BPIFC: variants seen among roughly 807,000 people sequenced by gnomAD.
The protein encoded by BPIFC is BPI fold containing family C, also known as BPI fold-containing family C protein.
A neutral mutation model predicts 57.6 loss-of-function variants in BPIFC; 60 were observed. That is an observed-to-expected ratio of 1.04 (90% CI 0.85 to 1.29). The LOEUF is 1.29. BPIFC is among the 50% of genes most tolerant of loss of function. The probability of loss-of-function intolerance (pLI) is 0.00; values close to 1 mark genes in which losing one functional copy is unlikely to be tolerated. For missense variants in BPIFC, 581 were observed against 600.5 expected (o/e 0.97, Z 0.34); for synonymous variants, 243 against 224.5 (o/e 1.08, Z -0.74).
intron 2 of BPIFC, 74 bp from the exon 3 acceptor site, chr22:32,457,460 T>C (rs1568961537): frequency 6.5e-6 from 10 of 1,536,750 alleles, no homozygotes; most frequent in Non-Finnish European, 8.8e-6. Context: ...CCAACATTTC[T>C]AGATTTTCTC....
At chr22:32,457,563 A>G (rs530197576) in intron 2 of BPIFC, among the ~76,000 whole-genome samples, 177 bp from the exon 3 acceptor site, 11 of 74,150 alleles carry the variant, frequency 1.5e-4, no homozygotes, top group South Asian at 9.1e-4. Context: ...CCATCCGTCC[A>G]TCCATCCATC....
intron 8 of BPIFC, among the ~76,000 whole-genome samples, chr22:32,440,193 C>T (rs9621447): frequency 0.025 from 3,820 of 152,218 alleles, 146 homozygotes; most frequent in African/African-American, 0.081. Flanking sequence ...TCTTGGCTCA[C>T]TGCATGATCT....
At chr22:32,435,660 C>T in intron 10 of BPIFC, 44 bp downstream of exon 10, 2 of 1,568,368 alleles carry the variant, frequency 1.3e-6, no homozygotes, top group South Asian at 1.2e-5. Flanking sequence ...TATAAAAAGG[C>T]TGAATGATGG....
intron 13 of BPIFC, 97 bp from the exon 14 acceptor site, chr22:32,419,501 T>A: frequency 8.0e-7 from 1 of 1,244,050 alleles, no homozygotes; most frequent in Admixed American, 2.0e-5. Context: ...CAAAAGTCAC[T>A]ATTTAAAAAA....
intron 3 of BPIFC, 91 bp downstream of exon 3, chr22:32,457,172 A>G: frequency 7.0e-7 from 1 of 1,436,228 alleles, no homozygotes; most frequent in Non-Finnish European, 9.3e-7. Context: ...TTTCTCAGTC[A>G]GGAGACAGCC....
intron 16 of BPIFC, among the ~76,000 whole-genome samples, chr22:32,415,363 C>T (rs1025303553): frequency 2.6e-5 from 4 of 152,094 alleles, no homozygotes; most frequent in African/African-American, 9.7e-5. Flanking sequence ...AAACATATTT[C>T]CACCTCCCCA....
At chr22:32,444,557 G>T (rs1343652122) in intron 7 of BPIFC, among the ~76,000 whole-genome samples, 1 of 152,106 alleles carries the variant, frequency 6.6e-6, no homozygotes, top group Non-Finnish European at 1.5e-5. Context: ...GTTCAGGGAA[G>T]GTGTGGTCAT....
chr22:32,414,383 A>G lies in BPIFC; in HGVS notation c.1444T>C (p.Ser482Pro). ...ACGTGGAAACTTGGCTGCTGCTTTG[A>G]GGATGTTTCATACTTCAGGTCGGTG... ...ISTDLKYETS[S>P]KQQPSFHVWE... Residue 482 changes from serine (S) to proline (P), a missense_variant, in exon 17 of 17, where the codon TCA becomes CCA. Transcript: ENST00000300399. 6.2e-7 allele frequency: 1 copy of G among 1,614,062 alleles called. No individual in the cohort carries two copies. The highest frequency in any genetic ancestry group is 1.1e-5 in the South Asian group (1 of 91,072).
chr22:32,440,722 C>G (rs5754086), intron 8 of BPIFC, among the ~76,000 whole-genome samples: 67,460 of 151,982 alleles, frequency 0.44, 17,339 homozygotes, highest in Middle Eastern at 0.63. Flanking sequence ...CACTCTTCTC[C>G]TGACCTACAT....
chr22:32,426,997 C>A (rs1056927695), intron 13 of BPIFC, among the ~76,000 whole-genome samples: 1 of 152,176 alleles, frequency 6.6e-6, no homozygotes, highest in African/African-American at 2.4e-5. Context: ...GCCAGCCCTG[C>A]TCAGACCCAG....
chr22:32,416,886 G>A (rs1264261396), intron 15 of BPIFC, among the ~76,000 whole-genome samples, 199 bp downstream of exon 15: 1 of 152,206 alleles, frequency 6.6e-6, no homozygotes, highest in Non-Finnish European at 1.5e-5. Context: ...AACAGGGCTT[G>A]GACCTAGAAT....
chr22:32,437,303 C>T (rs1934434204), intron 9 of BPIFC, among the ~76,000 whole-genome samples: 1 of 152,166 alleles, frequency 6.6e-6, no homozygotes, highest in Admixed American at 6.5e-5. Flanking sequence ...GAGGCAGTTG[C>T]TTGAAAGAAA....
intron 13 of BPIFC, among the ~76,000 whole-genome samples, chr22:32,423,619 G>A (rs1323535373): frequency 1.4e-5 from 2 of 140,780 alleles, no homozygotes; most frequent in African/African-American, 5.8e-5. Flanking sequence ...GTGGATGTGT[G>A]TTGATGGTGG....
At chr22:32,416,421 G>T (rs541289876) in intron 15 of BPIFC, among the ~76,000 whole-genome samples, 1 of 151,890 alleles carries the variant, frequency 6.6e-6, no homozygotes, top group Admixed American at 6.6e-5. Context: ...CATTCTCCCC[G>T]GTTCCATGTT....
Position 32,445,886 on chromosome 22 carries a change from T to G in BPIFC, c.485A>C (p.Tyr162Ser). The change falls in exon 6 of 17, where the codon TAC (tyrosine) becomes TCC (serine). Residue 162 changes from tyrosine to serine, a missense_variant. Transcript: ENST00000300399. ...GACGTGGGCATGGCTCAGTTGGGCGTAGCAATCTTGGAGCTTCAGGGTAGG... is the reference window on the plus strand; with the variant it reads ...GACGTGGGCATGGCTCAGTTGGGCGGAGCAATCTTGGAGCTTCAGGGTAGG... ...GHPTLKLQDC[Y>S]AQLSHAHVSF... 6.2e-7 allele frequency: 1 copy of G among 1,614,094 alleles called. No homozygotes were observed. The highest frequency in any genetic ancestry group is 8.5e-7 in the Non-Finnish European group (1 of 1,180,024).
Position 32,417,167 on chromosome 22 carries a change from T to C in BPIFC, c.1261-19A>G, listed in dbSNP as rs374354376. 4.7e-6 allele frequency: 7 copies of C among 1,505,280 alleles called. No individual in the cohort carries two copies. Among genetic ancestry groups the C allele is most frequent in the African/African-American group, 4.2e-5 (3 of 71,098 alleles). 93.2% of individuals were successfully genotyped at this position (1,505,280 alleles called of 1,614,324 possible). A position where few individuals can be genotyped will look rare whatever the true frequency, so the allele number is the denominator to read the frequency against. ...TCAAGACCTAAAATAAAAGAGGAAA[T>C]AGAATCAATTGGCAGATCGGGCTTT... On this transcript the variant is annotated intron_variant, in intron 14 of 16. Coordinates refer to ENST00000300399, the MANE Select transcript of BPIFC (RefSeq NM_174932.3).
chr22:32,428,965 A>G (rs1306702145), intron 13 of BPIFC, among the ~76,000 whole-genome samples: 1 of 152,152 alleles, frequency 6.6e-6, no homozygotes, highest in Non-Finnish European at 1.5e-5. Context: ...ATTTTAATGA[A>G]AAAAGAACCC....
intron 10 of BPIFC, among the ~76,000 whole-genome samples, chr22:32,434,081 G>GTT (rs1491414030): frequency 8.4e-4 from 51 of 60,850 alleles, no homozygotes; most frequent in Admixed American, 6.2e-3. Flanking sequence ...CAAAGTTTTA[G>GTT]TTATATATAT....
intron 4 of BPIFC, 143 bp downstream of exon 4, chr22:32,453,240 G>A: frequency 1.8e-6 from 1 of 565,416 alleles, no homozygotes; most frequent in Non-Finnish European, 2.8e-6. Flanking sequence ...GCAAACTTGA[G>A]AATAGAAACC....
Sources: allele counts gnomAD v4.1 joint callset (sites outside exome capture counted in the v4.1 genomes callset), GRCh38; gene constraint gnomAD v4.1.1; transcripts MANE v1.5; gene names NCBI Gene and HGNC (gene_info 2026-07-23, HGNC 2026-07-21).